The following LYPD6 variants were observed in gnomAD, a reference collection of about 807,000 sequenced individuals.
LYPD6 encodes the protein LY6/PLAUR domain containing 6.
Under a neutral mutation model 22.7 loss-of-function variants are expected in LYPD6, and 15 were observed. That is an observed-to-expected ratio of 0.66 (90% CI 0.44 to 1.02). The LOEUF (loss-of-function observed/expected upper bound fraction) is 1.02. LYPD6 is among the 50% of genes least tolerant of loss of function. The pLI is 0.00. For synonymous variants in LYPD6, 72 were observed against 77.5 expected, an observed-to-expected ratio of 0.93 and a Z score of 0.37; for missense variants, 189 against 208.4, an observed-to-expected ratio of 0.91 and a Z score of 0.57.
At chr2:149,347,706 T>C (rs1681283192) in intron 1 of LYPD6, among the ~76,000 whole-genome samples, 1 of 152,170 alleles carries the variant, frequency 6.6e-6, no homozygotes, top group South Asian at 2.1e-4. Context: ...ATTGGTGATT[T>C]TGAGAATTGT....
At chr2:149,422,180 ATTG>A (rs915939623) in intron 1 of LYPD6, among the ~76,000 whole-genome samples, 2 of 152,192 alleles carry the variant, frequency 1.3e-5, no homozygotes, top group Non-Finnish European at 2.9e-5. Context: ...ATGTGCTAGC[ATTG>A]TTCAAAGTGT....
chr2:149,359,959 T>C (rs896057881), intron 1 of LYPD6, among the ~76,000 whole-genome samples: 3 of 152,198 alleles, frequency 2.0e-5, no homozygotes, highest in Non-Finnish European at 4.4e-5. Flanking sequence ...CGGCATGGGC[T>C]GCTCACCTGA....
At chr2:149,390,958 A>G (rs945328649) in intron 1 of LYPD6, among the ~76,000 whole-genome samples, 4 of 152,212 alleles carry the variant, frequency 2.6e-5, no homozygotes, top group African/African-American at 9.6e-5. Flanking sequence ...GAGCATTGGT[A>G]TCCCCATTTT....
chr2:149,364,937 A>G (rs1159548032), intron 1 of LYPD6, among the ~76,000 whole-genome samples: 1 of 152,184 alleles, frequency 6.6e-6, no homozygotes, highest in African/African-American at 2.4e-5. Context: ...GGTGATTTGA[A>G]GCTGAAACCA....
At chr2:149,367,730 A>G (rs1681706893) in intron 1 of LYPD6, 1 of 152,098 alleles carries the variant, frequency 6.6e-6, no homozygotes, top group South Asian at 2.1e-4. Flanking sequence ...AAGACCAACC[A>G]CTCTGTAAAT....
At chr2:149,383,021 T>C (rs770633679) in intron 1 of LYPD6, among the ~76,000 whole-genome samples, 6 of 152,126 alleles carry the variant, frequency 3.9e-5, no homozygotes, top group Non-Finnish European at 7.4e-5. Flanking sequence ...GCTTTTTAAA[T>C]AAAACATTTC....
chr2:149,455,510 G>A (rs1019570664), intron 3 of LYPD6, among the ~76,000 whole-genome samples: 7 of 152,050 alleles, frequency 4.6e-5, no homozygotes, highest in South Asian at 4.2e-4. Flanking sequence ...CACCCACCTC[G>A]GCCTTCCAAA....
chr2:149,448,806 T>G (rs1683744246), intron 2 of LYPD6, among the ~76,000 whole-genome samples: 1 of 152,228 alleles, frequency 6.6e-6, no homozygotes, highest in South Asian at 2.1e-4. Context: ...TTCCAGTTTT[T>G]GGGCTATTAC....
intron 1 of LYPD6, among the ~76,000 whole-genome samples, chr2:149,431,038 A>C (rs1240964393): frequency 6.6e-6 from 1 of 152,014 alleles, no homozygotes; most frequent in Non-Finnish European, 1.5e-5. Flanking sequence ...TCTGTTTTGG[A>C]ATGTAGCAAG....
In LYPD6 at chr2:149,471,718, A is replaced by C. The variant is rs562941761; in HGVS notation, c.*868A>C. On this transcript the variant is annotated 3_prime_UTR_variant, in exon 5 of 5. Transcript: ENST00000334166. ...GGTTCTATTCAGCCATAGATAATCT[A>C]GACAGAGGATTTCAGAATGAAAGGA... 6.5e-6 allele frequency: 1 copy of C among 152,730 alleles called. No homozygotes were observed. The highest frequency in any genetic ancestry group is 2.1e-4 in the South Asian group (1 of 4,814). 9.5% of individuals were successfully genotyped at this position (152,730 alleles called of 1,614,324 possible). A position where few individuals can be genotyped will look rare whatever the true frequency, so the allele number is the denominator to read the frequency against.
At chr2:149,396,084 A>G (rs1267456457) in intron 1 of LYPD6, among the ~76,000 whole-genome samples, 1 of 152,162 alleles carries the variant, frequency 6.6e-6, no homozygotes, top group Non-Finnish European at 1.5e-5. Context: ...TACTGCCTTT[A>G]CCAGTTTTGG....
rs375311916 is a variant in LYPD6 at position 149,473,997 on chromosome 2, TTAA to T, written c.*3149_*3151del. On this transcript the variant is annotated 3_prime_UTR_variant, in exon 5 of 5. Transcript: ENST00000334166. ...ATCGTATTCTATTTTGGGGGTTGTG[TTAA>T]TGATGATGAACCAGAAAAGATTTTC... 396 of 152,316 alleles carry T rather than the reference TTAA, an allele frequency of 2.6e-3. 1 individual carries two copies. The highest frequency in any genetic ancestry group is 9.0e-3 in the African/African-American group (375 of 41,560). The allele number at this position is 152,316 out of a possible 1,614,324, so 9.4% of individuals were successfully genotyped here. A position where few individuals can be genotyped will look rare whatever the true frequency, so the allele number is the denominator to read the frequency against.
At chr2:149,400,400 C>T (rs1457354093) in intron 1 of LYPD6, among the ~76,000 whole-genome samples, 4 of 152,078 alleles carry the variant, frequency 2.6e-5, no homozygotes, top group Non-Finnish European at 5.9e-5. Context: ...TGTGAGAAAA[C>T]GATAAAAGGA....
intron 3 of LYPD6, among the ~76,000 whole-genome samples, chr2:149,463,605 T>C (rs543270107): frequency 2.3e-4 from 35 of 152,322 alleles, no homozygotes; most frequent in African/African-American, 8.2e-4. Flanking sequence ...GCTTTATTAA[T>C]AATATCTCTA....
At chr2:149,466,880 G>A (rs1681212312) in intron 3 of LYPD6, among the ~76,000 whole-genome samples, 1 of 120,266 alleles carries the variant, frequency 8.3e-6, no homozygotes, top group Admixed American at 1.1e-4. Flanking sequence ...GAACATTCCT[G>A]ATTTTATTGC....
At chr2:149,458,832 A>G (rs1681024302) in intron 3 of LYPD6, among the ~76,000 whole-genome samples, 1 of 152,210 alleles carries the variant, frequency 6.6e-6, no homozygotes, top group Non-Finnish European at 1.5e-5. Flanking sequence ...TGGAAGGAAC[A>G]AAGGGAAGAA....
chr2:149,355,566 A>T (rs1681434062), intron 1 of LYPD6, among the ~76,000 whole-genome samples: 1 of 152,222 alleles, frequency 6.6e-6, no homozygotes, highest in Admixed American at 6.5e-5. Context: ...CCCGATAGTC[A>T]TAAACCTACA....
intron 1 of LYPD6, among the ~76,000 whole-genome samples, chr2:149,375,678 T>G (rs760811648): frequency 3.9e-5 from 6 of 152,230 alleles, no homozygotes; most frequent in Non-Finnish European, 8.8e-5. Context: ...ACCATGACAT[T>G]TGAAATTCCC....
chr2:149,337,988 C>T lies in LYPD6; in HGVS notation c.-72+7266C>T, dbSNP rs138287788. Among the ~76,000 whole-genome samples the T allele has an allele frequency of 6.1e-3, 863 of 140,904 alleles. 12 individuals carry two copies. The highest frequency in any genetic ancestry group is 0.022 in the African/African-American group (824 of 37,336). 92.4% of individuals were successfully genotyped at this position (140,904 alleles called of 152,430 possible). On this transcript the variant is annotated intron_variant, in intron 1 of 4. Transcript: ENST00000334166. ...TCATTTTTATGGCTGCATAGTATTC[C>T]GTGGTGTATATGTACCACATTTTTT... is the stretch of plus-strand genomic sequence containing the variant.
Sources: gnomAD v4.1 joint callset for allele counts (sites outside exome capture counted in the v4.1 genomes callset) on GRCh38, gnomAD v4.1.1 for gene constraint, MANE v1.5 for transcripts, NCBI Gene and HGNC (gene_info 2026-07-23, HGNC 2026-07-21) for gene names.